The following PGBD5 variants were observed in gnomAD, a reference collection of about 807,000 sequenced individuals.
PGBD5 encodes the protein piggyBac transposable element-derived protein 5.
PGBD5 carries 14 observed loss-of-function variants against 47.9 expected under a neutral mutation model. The observed-to-expected ratio is 0.29, with a 90% CI of 0.19 to 0.46. The LOEUF is 0.46. PGBD5 is among the 20% of genes least tolerant of loss of function. The pLI, the probability that PGBD5 is intolerant of heterozygous loss-of-function variation, is 1.00. For missense variants in PGBD5, 635 were observed against 716.0 expected, an observed-to-expected ratio of 0.89 and a Z score of 1.29; for synonymous variants, 316 against 306.3, an observed-to-expected ratio of 1.03 and a Z score of -0.33.
intron 4 of PGBD5, among the ~76,000 whole-genome samples, chr1:230,333,837 C>T (rs1418494595): frequency 6.6e-6 from 1 of 152,184 alleles, no homozygotes; most frequent in Non-Finnish European, 1.5e-5. Flanking sequence ...TATGAACAAA[C>T]ACCCACCGCG....
At chr1:230,421,994 T>C (rs950126355) in intron 1 of PGBD5, among the ~76,000 whole-genome samples, 3 of 152,092 alleles carry the variant, frequency 2.0e-5, no homozygotes, top group African/African-American at 7.2e-5. Context: ...CATTCAACAA[T>C]GTTAATTTCC....
In PGBD5 at chr1:230,315,001, G is replaced by A. The variant is rs997801956; in HGVS notation, c.*8424C>T. On this transcript the variant is annotated 3_prime_UTR_variant, in exon 7 of 7. Transcript: ENST00000391860. ...AGGAAGGGGAAGAAGAGCTTGGAGG[G>A]TGACAGCCTCCCCCTGAGAGAGCCA... 2.6e-5 allele frequency: 4 copies of A among 152,142 alleles called. No homozygotes were observed. Among genetic ancestry groups the A allele is most frequent in the Non-Finnish European group, 5.9e-5 (4 of 68,032 alleles). The allele number at this position is 152,142 out of a possible 1,614,324, so 9.4% of individuals were successfully genotyped here.
rs1338318600 is a variant in PGBD5 at position 230,425,355 on chromosome 1, C to G, written c.331+243G>C. On this transcript the variant is annotated intron_variant, in intron 1 of 6. Coordinates refer to ENST00000391860, the MANE Select transcript of PGBD5 (RefSeq NM_001258311.2). This position sits in a 1 kb window ranked among gnomAD's most constrained non-coding sequence, Gnocchi z 4.7. Reference sequence around the variant, plus strand: ...GCTCCCAGGAAGTGAAGGAAAAGGTCCCCGACGACATTGTCACTGGAAAAG... The same window carrying G: ...GCTCCCAGGAAGTGAAGGAAAAGGTGCCCGACGACATTGTCACTGGAAAAG... 1.3e-5 allele frequency among the ~76,000 whole-genome samples: 2 copies of G among 152,206 alleles called. No homozygotes were observed. The highest frequency in any genetic ancestry group is 4.8e-5 in the African/African-American group (2 of 41,454).
Position 230,321,729 on chromosome 1 carries a change from A to G in PGBD5, c.*1696T>C, listed in dbSNP as rs562168739. The G allele has an allele frequency of 6.5e-6, 1 of 152,810 alleles. No homozygotes were observed. The highest frequency in any genetic ancestry group is 2.4e-5 in the African/African-American group (1 of 41,604). The allele number at this position is 152,810 out of a possible 1,614,324, so 9.5% of individuals were successfully genotyped here. A position where few individuals can be genotyped will look rare whatever the true frequency, so the allele number is the denominator to read the frequency against. On this transcript the variant is annotated 3_prime_UTR_variant, in exon 7 of 7. Coordinates refer to ENST00000391860, the MANE Select transcript of PGBD5 (RefSeq NM_001258311.2). ...ATCAGCTTTCATTAGAGTCTCCTTAAGTGTTGGAAACACATTAAACTCAGA... is the reference window on the plus strand; with the variant it reads ...ATCAGCTTTCATTAGAGTCTCCTTAGGTGTTGGAAACACATTAAACTCAGA...
chr1:230,361,097 T>C (rs2102709142), intron 1 of PGBD5, among the ~76,000 whole-genome samples: 1 of 152,292 alleles, frequency 6.6e-6, no homozygotes, highest in East Asian at 1.9e-4. Flanking sequence ...TACGTGGCTC[T>C]CCTACACATG....
rs1347507651 is a variant in PGBD5, at chr1:230,335,202, G to GAT, written c.1075+1904_1075+1905dup. Reference sequence around the variant, plus strand: ...ACACACAGACTTACAGACACACACAGATATACAGACAGACACAGATACACA... The same window carrying GAT: ...ACACACAGACTTACAGACACACACAGATATATACAGACAGACACAGATACACA... On this transcript the variant is annotated intron_variant, in intron 4 of 6. Coordinates refer to ENST00000391860, the MANE Select transcript of PGBD5 (RefSeq NM_001258311.2). Among the ~76,000 whole-genome samples, 55 of 26,864 alleles carry GAT rather than the reference G, an allele frequency of 2.0e-3. 1 individual carries two copies. The highest frequency in any genetic ancestry group is 9.0e-3 in the African/African-American group (51 of 5,684). 17.6% of individuals were successfully genotyped at this position (26,864 alleles called of 152,430 possible). A position where few individuals can be genotyped will look rare whatever the true frequency, so the allele number is the denominator to read the frequency against.
rs967766641 is a variant in PGBD5, at chr1:230,426,328, C to G, written c.-400G>C. The G allele has an allele frequency of 6.7e-6, 1 of 148,918 alleles. No homozygotes were observed. 9.2% of individuals were successfully genotyped at this position (148,918 alleles called of 1,614,324 possible). On this transcript the variant is annotated 5_prime_UTR_variant, in exon 1 of 7. Transcript: ENST00000391860. ...CCTCTCCACGGCCTCCGGCGCTCGGCTGCCGACCTTCCCGGGCGCGAGCCG... is the reference window on the plus strand; with the variant it reads ...CCTCTCCACGGCCTCCGGCGCTCGGGTGCCGACCTTCCCGGGCGCGAGCCG...
chr1:230,401,932 C>T (rs577096977), intron 1 of PGBD5, among the ~76,000 whole-genome samples: 2 of 152,160 alleles, frequency 1.3e-5, no homozygotes, highest in African/African-American at 4.8e-5. Context: ...TGAGAGCTGA[C>T]GGACTCTGAT....
chr1:230,357,350 C>G lies in PGBD5; in HGVS notation c.332-29G>C. The G allele has an allele frequency of 6.3e-7, 1 of 1,594,014 alleles. No individual in the cohort carries two copies. The highest frequency in any genetic ancestry group is 2.3e-5 in the East Asian group (1 of 44,420). On this transcript the variant is annotated intron_variant, in intron 1 of 6. Transcript: ENST00000391860. This position sits in a 1 kb window ranked among gnomAD's most constrained non-coding sequence, Gnocchi z 5.7. ...AAACCCAAAGACAGGTGGAGTGTTC[C>G]TTAGGACGGCCGCCACACCCTGACT...
chr1:230,419,829 T>C (rs891283329), intron 1 of PGBD5, among the ~76,000 whole-genome samples: 1 of 152,210 alleles, frequency 6.6e-6, no homozygotes, highest in African/African-American at 2.4e-5. Context: ...GATGTATATG[T>C]AAGCTTAAGC....
chr1:230,360,363 A>C (rs1297569583), intron 1 of PGBD5, among the ~76,000 whole-genome samples: 3 of 148,220 alleles, frequency 2.0e-5, no homozygotes, highest in South Asian at 4.5e-4. Context: ...AATCACTGTG[A>C]CCTGTGGAGG....
At chr1:230,383,668 G>A (rs828465) in intron 1 of PGBD5, among the ~76,000 whole-genome samples, 35,562 of 152,080 alleles carry the variant, frequency 0.23, 5,339 homozygotes, top group Non-Finnish European at 0.32. Flanking sequence ...ACAGGTGTGA[G>A]CCATCATGCC....
intron 1 of PGBD5, among the ~76,000 whole-genome samples, chr1:230,396,109 A>C (rs1023523472): frequency 3.5e-4 from 40 of 115,556 alleles, no homozygotes; most frequent in Admixed American, 5.2e-4. Flanking sequence ...CTACTGCTCC[A>C]CCCTCCACTC....
chr1:230,335,857 AC>A, intron 4 of PGBD5, among the ~76,000 whole-genome samples: 1 of 148,524 alleles, frequency 6.7e-6, no homozygotes, highest in East Asian at 2.0e-4. Context: ...ACACACAGAT[AC>A]ACACACAGAT....
At chr1:230,414,832 T>C (rs1296754155) in intron 1 of PGBD5, among the ~76,000 whole-genome samples, 5 of 152,254 alleles carry the variant, frequency 3.3e-5, no homozygotes, top group African/African-American at 9.6e-5. Context: ...CTGCTTTACA[T>C]GTGCATTCTG....
intron 1 of PGBD5, among the ~76,000 whole-genome samples, chr1:230,396,559 G>GCCCCCC (rs61206058): frequency 0.01 from 1,198 of 117,558 alleles, no homozygotes; most frequent in African/African-American, 0.015. Context: ...ACATTTTGTT[G>GCCCCCC]CCCCCCCTCC....
chr1:230,315,558 C>T lies in PGBD5; in HGVS notation c.*7867G>A, dbSNP rs1472381022. 1 of 152,056 alleles carries T rather than the reference C, an allele frequency of 6.6e-6. No homozygotes were observed. The highest frequency in any genetic ancestry group is 1.5e-5 in the Non-Finnish European group (1 of 68,030). 9.4% of individuals were successfully genotyped at this position (152,056 alleles called of 1,614,324 possible). ...ACCCACCATTCTTGCCCTCCTGGAC[C>T]CCTAAACTGGCCCATGTGTTTAGTT... On this transcript the variant is annotated 3_prime_UTR_variant, in exon 7 of 7. Transcript: ENST00000391860.
At chr1:230,413,525 G>A (rs1485005022) in intron 1 of PGBD5, among the ~76,000 whole-genome samples, 1 of 152,118 alleles carries the variant, frequency 6.6e-6, no homozygotes, top group African/African-American at 2.4e-5. Flanking sequence ...GAGGGGAAGA[G>A]AGGGAGGATG....
At chr1:230,392,850 G>A (rs1009267591) in intron 1 of PGBD5, among the ~76,000 whole-genome samples, 1 of 152,026 alleles carries the variant, frequency 6.6e-6, no homozygotes, top group East Asian at 1.9e-4. Context: ...AGGCCTGGCT[G>A]ACAGCACACT....
Sources: allele counts gnomAD v4.1 joint callset (sites outside exome capture counted in the v4.1 genomes callset), GRCh38; gene constraint gnomAD v4.1.1; non-coding constraint Gnocchi (gnomAD v3.1); transcripts MANE v1.5; gene names NCBI Gene and HGNC (gene_info 2026-07-23, HGNC 2026-07-21).